Variants in GRIN2B observed in about 807,000 individuals in gnomAD.
GRIN2B encodes glutamate receptor ionotropic, NMDA 2B.
In GRIN2B, 5 loss-of-function variants were observed where a neutral mutation model predicts 114.5. That is an observed-to-expected ratio of 0.04 (90% CI 0.02 to 0.09). The LOEUF is 0.09. Ranked by LOEUF, GRIN2B falls within the 10% of genes least tolerant of loss-of-function variation. GRIN2B has a pLI of 1.00. For synonymous variants in GRIN2B, 787 were observed against 745.1 expected, an observed-to-expected ratio of 1.06 and a Z score of -0.92; for missense variants, 1,108 against 1,943.5, an observed-to-expected ratio of 0.57 and a Z score of 8.08.
intron 2 of GRIN2B, among the ~76,000 whole-genome samples, chr12:13,883,712 T>G (rs1485867074): frequency 1.3e-5 from 2 of 152,106 alleles, no homozygotes; most frequent in Non-Finnish European, 2.9e-5. Flanking sequence ...AATATGTATT[T>G]TATAAATATT....
At chr12:13,725,402 T>C (rs1862965128) in intron 4 of GRIN2B, among the ~76,000 whole-genome samples, 1 of 152,128 alleles carries the variant, frequency 6.6e-6, no homozygotes, top group African/African-American at 2.4e-5. Context: ...ACACATTTTA[T>C]TTTATTTCAG....
intron 2 of GRIN2B, among the ~76,000 whole-genome samples, chr12:13,910,795 C>T (rs1207759644): frequency 2.0e-5 from 3 of 152,148 alleles, no homozygotes; most frequent in Non-Finnish European, 2.9e-5. Flanking sequence ...TTGTGGTTTG[C>T]ATCTTTCATA....
At chr12:13,618,113 C>A (rs1160202753) in intron 5 of GRIN2B, among the ~76,000 whole-genome samples, 2 of 152,204 alleles carry the variant, frequency 1.3e-5, no homozygotes, top group Non-Finnish European at 2.9e-5. Context: ...AACTGTTGAT[C>A]CTGATTTTAG....
intron 3 of GRIN2B, among the ~76,000 whole-genome samples, chr12:13,760,275 C>T (rs114543590): frequency 0.018 from 2,705 of 152,228 alleles, 45 homozygotes; most frequent in Middle Eastern, 0.027. Flanking sequence ...ATTGCTATAA[C>T]CCACAATTAT....
intron 4 of GRIN2B, among the ~76,000 whole-genome samples, chr12:13,740,636 C>T (rs1863266216): frequency 1.3e-5 from 2 of 152,040 alleles, no homozygotes; most frequent in African/African-American, 4.8e-5. Context: ...TTGTTTTGTT[C>T]TATTGCATGT....
chr12:13,900,509 C>T (rs1866428938), intron 2 of GRIN2B, among the ~76,000 whole-genome samples: 1 of 151,966 alleles, frequency 6.6e-6, no homozygotes, highest in African/African-American at 2.4e-5. Context: ...CATTTATGCA[C>T]ATTGTTCCAA....
intron 2 of GRIN2B, among the ~76,000 whole-genome samples, chr12:13,871,951 TCCCTACC>T (rs1307575880): frequency 2.0e-5 from 3 of 151,924 alleles, no homozygotes; most frequent in Admixed American, 6.6e-5. Context: ...ACAAAACTAC[TCCCTACC>T]CTAGTCCTCC....
At chr12:13,631,315 T>C (rs1949613908) in intron 5 of GRIN2B, among the ~76,000 whole-genome samples, 1 of 152,204 alleles carries the variant, frequency 6.6e-6, no homozygotes, top group Admixed American at 6.5e-5. Flanking sequence ...CCAAGCCCTG[T>C]CTGTGACTGC....
At chr12:13,751,867 A>C (rs751510334) in intron 4 of GRIN2B, among the ~76,000 whole-genome samples, 2 of 152,210 alleles carry the variant, frequency 1.3e-5, no homozygotes, top group Admixed American at 6.5e-5. Flanking sequence ...GCCCATATTT[A>C]AGGGATGCAT....
At chr12:13,876,395 G>T (rs1052096147) in intron 2 of GRIN2B, among the ~76,000 whole-genome samples, 1 of 152,190 alleles carries the variant, frequency 6.6e-6, no homozygotes, top group Non-Finnish European at 1.5e-5. Context: ...AGGCAGACAA[G>T]GAGCTTCTGT....
intron 2 of GRIN2B, among the ~76,000 whole-genome samples, chr12:13,874,429 G>A (rs1051094362): frequency 3.9e-5 from 6 of 152,204 alleles, no homozygotes; most frequent in Non-Finnish European, 7.3e-5. Context: ...TAATACAAAC[G>A]TAGATGATTA....
chr12:13,705,239 T>C (rs1346044476), intron 4 of GRIN2B, among the ~76,000 whole-genome samples: 1 of 152,142 alleles, frequency 6.6e-6, no homozygotes, highest in Non-Finnish European at 1.5e-5. Context: ...AACTTCTCCA[T>C]AAACCACAAA....
intron 12 of GRIN2B, among the ~76,000 whole-genome samples, chr12:13,568,733 C>T (rs976777259): frequency 2.0e-5 from 3 of 152,182 alleles, no homozygotes; most frequent in Non-Finnish European, 4.4e-5. Context: ...GGCTGCTCAT[C>T]CACAACTGAG....
chr12:13,602,755 C>T (rs1949178453), intron 10 of GRIN2B, among the ~76,000 whole-genome samples: 1 of 152,194 alleles, frequency 6.6e-6, no homozygotes, highest in African/African-American at 2.4e-5. Flanking sequence ...TTAGGTGTTA[C>T]GTGGCCATCC....
chr12:13,836,986 G>A (rs749117427), intron 3 of GRIN2B, among the ~76,000 whole-genome samples: 5 of 152,086 alleles, frequency 3.3e-5, no homozygotes, highest in Admixed American at 6.5e-5. Flanking sequence ...TGCTATCCCC[G>A]GGCTCTCTCT....
chr12:13,858,770 T>C (rs535351036), intron 3 of GRIN2B, among the ~76,000 whole-genome samples: 23 of 152,240 alleles, frequency 1.5e-4, no homozygotes, highest in Admixed American at 1.2e-3. Context: ...TTGTCTTTAA[T>C]GCTTATATCC....
rs1475211614 is a variant in GRIN2B, at chr12:13,564,687, A to G, written c.2599-48T>C. 6.4e-7 allele frequency: 1 copy of G among 1,552,206 alleles called. No individual in the cohort carries two copies. The highest frequency in any genetic ancestry group is 8.9e-7 in the Non-Finnish European group (1 of 1,126,996). On this transcript the variant is annotated intron_variant, in intron 13 of 13. Transcript: ENST00000609686. The surrounding 1 kb of genome is among the most constrained non-coding windows in gnomAD (Gnocchi z 4.8). ...GGTTAGATCTCCAGAGAGGCTAGAA[A>G]TGACCACAAAAAACACTCTCCCACC... is the stretch of plus-strand genomic sequence containing the variant.
chr12:13,762,292 C>T (rs1323360031), intron 3 of GRIN2B, among the ~76,000 whole-genome samples: 2 of 152,146 alleles, frequency 1.3e-5, no homozygotes, highest in Non-Finnish European at 2.9e-5. Flanking sequence ...CATAAGCCAC[C>T]GCGCCCAGCC....
At position 13,567,339 on chromosome 12, in the gene GRIN2B, G is replaced by T. The variant is rs1273949035; in HGVS notation, c.2360-76C>A. On this transcript the variant is annotated intron_variant, in intron 12 of 13. Transcript: ENST00000609686. ...GAGCAGAGAAAAGGGAGAAAGAGGAGTATTGAGCAAGAAAGAGAAAGATAC... is the reference window on the plus strand; with the variant it reads ...GAGCAGAGAAAAGGGAGAAAGAGGATTATTGAGCAAGAAAGAGAAAGATAC... 9.9e-6 allele frequency: 9 copies of T among 908,604 alleles called. No homozygotes were observed. In the African/African-American group the frequency reaches 1.1e-4, roughly 12 times the overall value. The allele number at this position is 908,604 out of a possible 1,614,324, so 56.3% of individuals were successfully genotyped here.
Sources: allele counts gnomAD v4.1 joint callset (sites outside exome capture counted in the v4.1 genomes callset), GRCh38; gene constraint gnomAD v4.1.1; non-coding constraint Gnocchi (gnomAD v3.1); transcripts MANE v1.5; gene names NCBI Gene and HGNC (gene_info 2026-07-23, HGNC 2026-07-21).